The following CDHR3 variants were observed in gnomAD, a reference collection of about 807,000 sequenced individuals.
CDHR3 encodes cadherin related family member 3.
In CDHR3, 79 loss-of-function variants were observed where a neutral mutation model predicts 86.6. The ratio of observed to expected loss-of-function variants is 0.91; its 90% CI spans 0.76 to 1.10. CDHR3 has a LOEUF of 1.10. CDHR3 is among the 50% of genes least tolerant of loss of function. The pLI, the probability that CDHR3 is intolerant of heterozygous loss-of-function variation, is 0.00. For missense variants in CDHR3, 1,081 were observed against 1,077.6 expected (o/e 1.00, Z -0.04); for synonymous variants, 421 against 402.4 (o/e 1.05, Z -0.55).
chr7:106,023,115 A>G (rs1193644793), intron 14 of CDHR3, among the ~76,000 whole-genome samples: 1 of 152,170 alleles, frequency 6.6e-6, no homozygotes, highest in East Asian at 1.9e-4. Context: ...TTGGAAATGC[A>G]AATTCTCAGG....
chr7:106,021,512 A>G (rs1460124665), intron 13 of CDHR3, among the ~76,000 whole-genome samples: 2 of 152,242 alleles, frequency 1.3e-5, no homozygotes, highest in African/African-American at 2.4e-5. Flanking sequence ...TCAGTCGGTA[A>G]TGAGTCTGGA....
At chr7:105,990,715 G>A (rs1185416699) in intron 4 of CDHR3, among the ~76,000 whole-genome samples, 1 of 120,194 alleles carries the variant, frequency 8.3e-6, no homozygotes, top group East Asian at 3.1e-4. Context: ...CTGAATTCTT[G>A]TTGTTTGTTT....
intron 7 of CDHR3, among the ~76,000 whole-genome samples, chr7:106,002,881 C>T (rs1485553739): frequency 2.0e-5 from 3 of 152,082 alleles, no homozygotes; most frequent in Non-Finnish European, 2.9e-5. Flanking sequence ...TGTCTGTAAT[C>T]CCAACACTTT....
In CDHR3 at chr7:106,015,093, A is replaced by G. The variant is rs774496492; in HGVS notation, c.1225-18A>G. On this transcript the variant is annotated intron_variant, in intron 9 of 18. Transcript: ENST00000317716. The stretch of plus-strand genomic sequence containing the variant: ...GATTGTTTAATCTGTATAATCTACT[A>G]TCTCTGTTTTAATCTAGCTGATTGG... 3 of 1,563,724 alleles carry G rather than the reference A, an allele frequency of 1.9e-6. No homozygotes were observed. The highest frequency in any genetic ancestry group is 2.3e-5 in the East Asian group (1 of 43,672).
At chr7:106,031,246 C>CT (rs140882188) in intron 18 of CDHR3, among the ~76,000 whole-genome samples, 22,859 of 152,156 alleles carry the variant, frequency 0.15, 1,898 homozygotes, top group Middle Eastern at 0.18. Context: ...TCTAATAGCA[C>CT]TTATTAGTAG....
intron 15 of CDHR3, 31 bp downstream of exon 15, chr7:106,024,593 C>G (rs1334402279): frequency 4.4e-6 from 7 of 1,603,830 alleles, no homozygotes; most frequent in Non-Finnish European, 6.0e-6. Flanking sequence ...GCCCTCTTCC[C>G]CACCTCCTTT....
In CDHR3 at chr7:106,004,854, C is replaced by T. The variant is rs180684327; in HGVS notation, c.1052+167C>T. The T allele has an allele frequency of 3.4e-5, 22 of 643,210 alleles. No individual in the cohort carries two copies. In the Admixed American group the frequency reaches 5.4e-4, roughly 16 times the overall value. The allele number at this position is 643,210 out of a possible 1,614,324, so 39.8% of individuals were successfully genotyped here. On this transcript the variant is annotated intron_variant, in intron 8 of 18. Coordinates refer to ENST00000317716, the MANE Select transcript of CDHR3 (RefSeq NM_152750.5). ...TGTTGTCCACAGGTTTCCTTGTTAT[C>T]GTCCTTTTTTCTTCCCTCTCTTTCA...
Position 106,015,193 on chromosome 7 carries a change from T to C in CDHR3, c.1307T>C (p.Val436Ala). 6.2e-7 allele frequency: 1 copy of C among 1,609,994 alleles called. No homozygotes were observed. Among genetic ancestry groups the C allele is most frequent in the Non-Finnish European group, 8.5e-7 (1 of 1,178,214 alleles). Residue 436 changes from valine (V) to alanine (A), a missense_variant, in exon 10 of 19, where the codon GTG (valine) becomes GCG (alanine). Val to Ala is a moderately conservative substitution (Grantham distance 64, BLOSUM62 0). Coordinates refer to ENST00000317716, the MANE Select transcript of CDHR3 (RefSeq NM_152750.5). ...KYTVIIQVQD[V>A]APPYYKNNVY... Reference sequence around the variant, plus strand: ...ACGGTGATAATCCAGGTGCAGGATGTGGCCCCCCCTTACTATAAAAGCAAG... The same window carrying C: ...ACGGTGATAATCCAGGTGCAGGATGCGGCCCCCCCTTACTATAAAAGCAAG...
intron 7 of CDHR3, among the ~76,000 whole-genome samples, chr7:106,003,471 T>G (rs1163221901): frequency 1.3e-5 from 2 of 152,192 alleles, no homozygotes; most frequent in Non-Finnish European, 2.9e-5. Context: ...GTACTCAAGA[T>G]AGCAACTCAA....
intron 15 of CDHR3, 81 bp downstream of exon 15, chr7:106,024,643 G>C (rs1041481336): frequency 1.5e-5 from 21 of 1,406,030 alleles, no homozygotes; most frequent in Non-Finnish European, 2.0e-5. Flanking sequence ...AGGAAAAATG[G>C]AGAATCAGGA....
At chr7:106,013,297 C>T (rs987787567) in intron 9 of CDHR3, among the ~76,000 whole-genome samples, 26 of 152,172 alleles carry the variant, frequency 1.7e-4, no homozygotes, top group African/African-American at 5.6e-4. Flanking sequence ...GCCTGCTTAG[C>T]GTGCCTTCAC....
chr7:105,970,543 C>A (rs964804956), intron 1 of CDHR3, among the ~76,000 whole-genome samples: 2 of 152,160 alleles, frequency 1.3e-5, no homozygotes, highest in Non-Finnish European at 2.9e-5. Context: ...AGCACTCAGA[C>A]CACCAAAGAA....
intron 4 of CDHR3, among the ~76,000 whole-genome samples, chr7:105,988,384 A>G (rs1830835835): frequency 6.6e-6 from 1 of 152,226 alleles, no homozygotes; most frequent in South Asian, 2.1e-4. Context: ...ACAGAGTTTA[A>G]CAAAACACTA....
rs755431104 is a variant in CDHR3 at position 106,028,574 on chromosome 7, G to A, written c.2296G>A (p.Val766Ile). 4.3e-6 allele frequency: 7 copies of A among 1,613,806 alleles called. No individual in the cohort carries two copies. The highest frequency in any genetic ancestry group is 2.2e-5 in the East Asian group (1 of 44,892). The change falls in exon 17 of 19, where the codon GTC (valine) becomes ATC (isoleucine). Residue 766 changes from valine (V) to isoleucine (I), a missense_variant. Coordinates refer to ENST00000317716, the MANE Select transcript of CDHR3 (RefSeq NM_152750.5). The stretch of plus-strand genomic sequence containing the variant: ...AGAAACGAAGACTGCAGAGAGAGAC[G>A]TCGTGGTGGTGAGTATGGGCAGTGT... ...KGETKTAERDVVVETIQMNTI... is the reference protein window; with the variant it reads ...KGETKTAERDIVVETIQMNTI...
intron 13 of CDHR3, 48 bp from the exon 14 acceptor site, chr7:106,022,150 C>A: frequency 6.2e-7 from 1 of 1,603,188 alleles, no homozygotes; most frequent in South Asian, 1.1e-5. Flanking sequence ...TTATTTCTTA[C>A]TCTCTTTTCT....
Position 106,001,720 on chromosome 7 carries a change from G to A in CDHR3, c.862+110G>A, listed in dbSNP as rs1833215039. On this transcript the variant is annotated intron_variant, in intron 7 of 18. Coordinates refer to ENST00000317716, the MANE Select transcript of CDHR3 (RefSeq NM_152750.5). ...ATGAGAATTGGTTCTAGGATGCACC[G>A]TGGATACCAAAATCCACGTATGCTC... 18 of 1,381,310 alleles carry A rather than the reference G, an allele frequency of 1.3e-5. 1 individual carries two copies. Among genetic ancestry groups the A allele is most frequent in the South Asian group, 1.1e-4 (8 of 75,876 alleles). The allele number at this position is 1,381,310 out of a possible 1,614,324, so 85.6% of individuals were successfully genotyped here.
At chr7:105,989,083 T>C (rs918885343) in intron 4 of CDHR3, among the ~76,000 whole-genome samples, 1 of 152,190 alleles carries the variant, frequency 6.6e-6, no homozygotes, top group African/African-American at 2.4e-5. Context: ...GGGCACCTTC[T>C]GTGTTGTGGT....
chr7:105,981,355 C>T lies in CDHR3; in HGVS notation c.415+222C>T, dbSNP rs554242423. Among the ~76,000 whole-genome samples, 39 of 152,318 alleles carry T rather than the reference C, an allele frequency of 2.6e-4. 1 individual carries two copies. The South Asian group carries it at 6.4e-3, about 25-fold the overall frequency. On this transcript the variant is annotated intron_variant, in intron 3 of 18. Coordinates refer to ENST00000317716, the MANE Select transcript of CDHR3 (RefSeq NM_152750.5). ...CTTCACAGGCAGGGTTTCTCCTGGT[C>T]CCCTCCCAGTCCCAGGGAGGAAACT...
chr7:106,028,943 T>TCTTC (rs1658612543), intron 17 of CDHR3, among the ~76,000 whole-genome samples: 2 of 141,536 alleles, frequency 1.4e-5, no homozygotes, highest in African/African-American at 5.4e-5. Flanking sequence ...TTTCTTTCTT[T>TCTTC]CTTTCTTTCT....
Sources: gnomAD v4.1 joint callset for allele counts (sites outside exome capture counted in the v4.1 genomes callset) on GRCh38, gnomAD v4.1.1 for gene constraint, MANE v1.5 for transcripts, NCBI Gene and HGNC (gene_info 2026-07-23, HGNC 2026-07-21) for gene names.